PKNOX2: variants seen among roughly 807,000 people sequenced by gnomAD.
PKNOX2 encodes PBX/knotted 1 homeobox 2.
PKNOX2 carries 14 observed loss-of-function variants against 53.1 expected under a neutral mutation model. The observed-to-expected ratio is 0.26, with a 90% confidence interval of 0.17 to 0.41. PKNOX2 has a LOEUF of 0.41. Ranked by LOEUF, PKNOX2 falls within the 10% of genes least tolerant of loss-of-function variation. The probability of loss-of-function intolerance (pLI) is 1.00; values close to 1 mark genes in which losing one functional copy is unlikely to be tolerated. For missense variants in PKNOX2, 496 were observed against 602.8 expected, an observed-to-expected ratio of 0.82 and a Z score of 1.85; for synonymous variants, 257 against 242.8, an observed-to-expected ratio of 1.06 and a Z score of -0.54.
chr11:125,409,241 G>T (rs1670275389), intron 7 of PKNOX2, among the ~76,000 whole-genome samples: 2 of 152,212 alleles, frequency 1.3e-5, no homozygotes, highest in Non-Finnish European at 2.9e-5. Flanking sequence ...TCCCCAGAAA[G>T]CAGGGAGGGC....
chr11:125,326,845 T>G (rs1310878461), intron 2 of PKNOX2, among the ~76,000 whole-genome samples: 1 of 152,170 alleles, frequency 6.6e-6, no homozygotes, highest in Non-Finnish European at 1.5e-5. Flanking sequence ...ACAGAGCAAA[T>G]GTGTGATGAA....
At chr11:125,429,603 A>G (rs755201568) in intron 11 of PKNOX2, among the ~76,000 whole-genome samples, 1 of 152,154 alleles carries the variant, frequency 6.6e-6, no homozygotes. Flanking sequence ...GTCTGGCTGG[A>G]TGGAAGTAGA....
intron 1 of PKNOX2, among the ~76,000 whole-genome samples, chr11:125,230,395 C>T (rs867508926): frequency 2.0e-5 from 3 of 152,134 alleles, no homozygotes; most frequent in African/African-American, 7.2e-5. Flanking sequence ...TGAGGGTGCA[C>T]GGGTGGAACA....
At chr11:125,280,102 C>CTT (rs35541174) in intron 2 of PKNOX2, among the ~76,000 whole-genome samples, 1 of 133,184 alleles carries the variant, frequency 7.5e-6, no homozygotes, top group Non-Finnish European at 1.6e-5. Context: ...ATTTTTTTTC[C>CTT]TTTTTTTTTT....
intron 2 of PKNOX2, among the ~76,000 whole-genome samples, chr11:125,305,709 C>T (rs1020825990): frequency 6.6e-6 from 1 of 152,220 alleles, no homozygotes; most frequent in Middle Eastern, 3.4e-3. Flanking sequence ...GTAACAGCAT[C>T]GGGAACGACT....
At chr11:125,389,014 G>A (rs1953848258) in intron 6 of PKNOX2, among the ~76,000 whole-genome samples, 1 of 152,184 alleles carries the variant, frequency 6.6e-6, no homozygotes, top group Non-Finnish European at 1.5e-5. Context: ...GGCCAACATG[G>A]CGAAACCTCG....
intron 1 of PKNOX2, among the ~76,000 whole-genome samples, chr11:125,225,144 T>A (rs1189303207): frequency 6.6e-6 from 1 of 152,216 alleles, no homozygotes; most frequent in Admixed American, 6.5e-5. Context: ...CCTGTCTGGA[T>A]GTGCCTGCCC....
At chr11:125,396,921 CAG>C (rs1954444368) in intron 6 of PKNOX2, among the ~76,000 whole-genome samples, 1 of 152,080 alleles carries the variant, frequency 6.6e-6, no homozygotes, top group African/African-American at 2.4e-5. Context: ...AGGGAAAAAA[CAG>C]AAAACAAAAT....
chr11:125,208,783 A>G (rs962333447), intron 1 of PKNOX2, among the ~76,000 whole-genome samples: 6 of 113,136 alleles, frequency 5.3e-5, no homozygotes, highest in African/African-American at 2.2e-4. Flanking sequence ...GGTACCATTA[A>G]CAGAAATAGT....
intron 3 of PKNOX2, among the ~76,000 whole-genome samples, chr11:125,339,674 C>A (rs1950587005): frequency 1.3e-5 from 2 of 152,210 alleles, no homozygotes; most frequent in Non-Finnish European, 2.9e-5. Context: ...GACAGAGACA[C>A]TGACAGAATC....
chr11:125,311,862 C>T (rs576879533), intron 2 of PKNOX2, among the ~76,000 whole-genome samples: 7 of 152,308 alleles, frequency 4.6e-5, no homozygotes, highest in African/African-American at 1.7e-4. Context: ...AAATTTTTGA[C>T]ATCACTGTCC....
At chr11:125,279,882 C>T (rs144262055) in intron 2 of PKNOX2, among the ~76,000 whole-genome samples, 277 of 152,272 alleles carry the variant, frequency 1.8e-3, no homozygotes, top group African/African-American at 5.4e-3. Flanking sequence ...TCAAACAATG[C>T]GGTTGCCATA....
At chr11:125,263,498 C>T (rs1591503212) in intron 2 of PKNOX2, among the ~76,000 whole-genome samples, 3 of 151,546 alleles carry the variant, frequency 2.0e-5, no homozygotes, top group East Asian at 3.8e-4. Flanking sequence ...TAAACCTCTC[C>T]GGGGTCAGCA....
At chr11:125,291,788 T>A (rs936912360) in intron 2 of PKNOX2, among the ~76,000 whole-genome samples, 1 of 152,140 alleles carries the variant, frequency 6.6e-6, no homozygotes, top group Admixed American at 6.6e-5. Context: ...TAAAAACATA[T>A]GTTAAGTGAA....
intron 2 of PKNOX2, among the ~76,000 whole-genome samples, chr11:125,241,878 C>CA (rs1943172812): frequency 2.0e-5 from 3 of 151,478 alleles, no homozygotes; most frequent in African/African-American, 7.3e-5. Flanking sequence ...AACAAATGAA[C>CA]AAAAAAAGAG....
intron 10 of PKNOX2, 151 bp from the exon 11 acceptor site, chr11:125,428,861 G>A (rs1956557784): frequency 2.8e-6 from 2 of 715,132 alleles, no homozygotes; most frequent in Non-Finnish European, 4.8e-6. Flanking sequence ...TCCATTCTCT[G>A]TGGGGAGCAA....
chr11:125,421,803 G>A (rs1217287397), intron 10 of PKNOX2, among the ~76,000 whole-genome samples: 1 of 152,220 alleles, frequency 6.6e-6, no homozygotes, highest in African/African-American at 2.4e-5. Flanking sequence ...GACCAGCCGG[G>A]GAGCCCTTGC....
rs142740508 is a variant in PKNOX2, at chr11:125,244,484, G to A, written c.-130+9369G>A. Reference sequence around the variant, plus strand: ...AGAATCTGCTATAAACCCTCCCAGGGACCTGGCTCCCTCGCCTTCCCCCTG... The same window carrying A: ...AGAATCTGCTATAAACCCTCCCAGGAACCTGGCTCCCTCGCCTTCCCCCTG... On this transcript the variant is annotated intron_variant, in intron 2 of 12. Coordinates refer to ENST00000298282, the MANE Select transcript of PKNOX2 (RefSeq NM_001382323.2). Among the ~76,000 whole-genome samples, 478 of 152,282 alleles carry A rather than the reference G, an allele frequency of 3.1e-3. 8 individuals carry two copies. The highest frequency in any genetic ancestry group is 8.6e-3 in the African/African-American group (359 of 41,562).
chr11:125,213,663 G>T (rs1377925638), intron 1 of PKNOX2, among the ~76,000 whole-genome samples: 1 of 152,052 alleles, frequency 6.6e-6, no homozygotes, highest in African/African-American at 2.4e-5. Context: ...TCCCTATGTT[G>T]CCCAGGCTGG....
Sources: allele counts gnomAD v4.1 joint callset (sites outside exome capture counted in the v4.1 genomes callset), GRCh38; gene constraint gnomAD v4.1.1; transcripts MANE v1.5; gene names NCBI Gene and HGNC (gene_info 2026-07-23, HGNC 2026-07-21).